The following PPHLN1 variants were observed in gnomAD, a reference collection of about 807,000 sequenced individuals.
PPHLN1 encodes periphilin 1, also known as periphilin-1.
PPHLN1 carries 29 observed loss-of-function variants against 51.3 expected under a neutral mutation model. That is an observed-to-expected ratio of 0.57 (90% CI 0.42 to 0.77). The LOEUF is 0.77. Ranked by LOEUF, PPHLN1 falls within the 30% of genes least tolerant of loss-of-function variation. PPHLN1 has a pLI of 0.00. For missense variants in PPHLN1, 436 were observed against 438.4 expected (o/e 0.99, Z 0.05); for synonymous variants, 147 against 147.8 (o/e 0.99, Z 0.04).
In PPHLN1 at chr12:42,416,045, A is replaced by G. The variant is rs573650555; in HGVS notation, c.909+17051A>G. 4.6e-5 allele frequency among the ~76,000 whole-genome samples: 7 copies of G among 152,324 alleles called. No homozygotes were observed. The East Asian group carries it at 1.4e-3, about 29-fold the overall frequency. On this transcript the variant is annotated intron_variant, in intron 9 of 9. Coordinates refer to ENST00000358314, the MANE Select transcript of PPHLN1 (RefSeq NM_201439.2). ...CTCATAGGTAGAGATAGGAGGTAAA[A>G]GGTTCTACATAAAGGTGAATGACGT...
chr12:42,336,881 T>C (rs1290161691), intron 2 of PPHLN1, among the ~76,000 whole-genome samples: 2 of 152,248 alleles, frequency 1.3e-5, no homozygotes, highest in African/African-American at 4.8e-5. Context: ...TCTACGTTAG[T>C]TATTTTTTAC....
chr12:42,386,747 A>ACT (rs751114984), intron 6 of PPHLN1, among the ~76,000 whole-genome samples: 6 of 152,174 alleles, frequency 3.9e-5, no homozygotes, highest in African/African-American at 7.2e-5. Context: ...ATTTAACTAA[A>ACT]CCTATCTTTT....
intron 5 of PPHLN1, among the ~76,000 whole-genome samples, chr12:42,383,504 T>C (rs114935550): frequency 2.4e-4 from 36 of 152,226 alleles, no homozygotes; most frequent in African/African-American, 8.4e-4. Flanking sequence ...AAAATAAGAA[T>C]AGGAAAGTAA....
rs190171562 is a variant in PPHLN1, at chr12:42,432,422, A to G, written c.910-8893A>G. ...ATTTCCAATGGTTTCTTTAGTGCCA[A>G]CAAATACAAATGGAATCATACTGTC... On this transcript the variant is annotated intron_variant, in intron 9 of 9. Coordinates refer to ENST00000358314, the MANE Select transcript of PPHLN1 (RefSeq NM_201439.2). 1,534 of 756,958 alleles carry G rather than the reference A, an allele frequency of 2.0e-3. 6 individuals are homozygous for G. Among genetic ancestry groups the G allele is most frequent in the Non-Finnish European group, 2.8e-3 (1,119 of 404,656 alleles). 46.9% of individuals were successfully genotyped at this position (756,958 alleles called of 1,614,324 possible).
intron 3 of PPHLN1, 23 bp from the exon 4 acceptor site, chr12:42,355,138 T>G: frequency 6.2e-7 from 1 of 1,610,908 alleles, no homozygotes; most frequent in Non-Finnish European, 8.5e-7. Context: ...AACAAATAGC[T>G]AAGTAGCTTT....
At chr12:42,348,576 T>C (rs2072730970) in intron 2 of PPHLN1, among the ~76,000 whole-genome samples, 1 of 152,172 alleles carries the variant, frequency 6.6e-6, no homozygotes, top group Admixed American at 6.5e-5. Context: ...ACTGGGGCAG[T>C]TGAACAAAGG....
Position 42,384,950 on chromosome 12 carries a change from T to C in PPHLN1, c.522T>C (p.Arg174=). The part of the protein sequence containing the change: ...FHQSQHRKSV[R]PGASYKRQNE... ...CCCACCTTTCCATAGAGTCCGTGCG[T>C]CCTGGTGCCTCCTACAAACGGCAGA... Residue 174 remains arginine (R), a synonymous_variant, in exon 6 of 10, where the codon CGT becomes CGC. Transcript: ENST00000358314. The C allele has an allele frequency of 6.2e-7, 1 of 1,610,912 alleles. No homozygotes were observed. The highest frequency in any genetic ancestry group is 8.5e-7 in the Non-Finnish European group (1 of 1,177,030).
At chr12:42,389,153 A>G (rs1213170368) in intron 7 of PPHLN1, among the ~76,000 whole-genome samples, 1 of 151,760 alleles carries the variant, frequency 6.6e-6, no homozygotes, top group Non-Finnish European at 1.5e-5. Context: ...CAGGCGGATC[A>G]TGAGGTCAAG....
chr12:42,396,304 T>A (rs1565929330), intron 8 of PPHLN1, among the ~76,000 whole-genome samples: 3 of 151,896 alleles, frequency 2.0e-5, no homozygotes, highest in African/African-American at 7.3e-5. Context: ...AAGGCACACT[T>A]AAAAAATACT....
intron 9 of PPHLN1, among the ~76,000 whole-genome samples, chr12:42,415,461 G>A (rs543564565): frequency 6.6e-5 from 10 of 152,238 alleles, no homozygotes; most frequent in African/African-American, 1.7e-4. Flanking sequence ...GTGAGCCACC[G>A]CCCCTAGCCA....
chr12:42,445,868 A>G (rs1041552036), downstream of PPHLN1: 93 of 1,372,140 alleles, frequency 6.8e-5, no homozygotes, highest in Non-Finnish European at 8.2e-5. Flanking sequence ...CTCTCCAGAC[A>G]TAAAACTGCA....
intron 9 of PPHLN1, among the ~76,000 whole-genome samples, chr12:42,424,990 G>A (rs1284738186): frequency 6.6e-6 from 1 of 151,790 alleles, no homozygotes; most frequent in African/African-American, 2.4e-5. Context: ...ACTAAAATCA[G>A]CTTTCCAATA....
At chr12:42,390,257 G>A (rs2077573695) in intron 7 of PPHLN1, among the ~76,000 whole-genome samples, 1 of 152,048 alleles carries the variant, frequency 6.6e-6, no homozygotes, top group Non-Finnish European at 1.5e-5. Flanking sequence ...GAAGTCTGAG[G>A]GTTCTGGGAT....
rs60616542 is a variant in PPHLN1 at position 42,441,526 on chromosome 12, T to TA, written c.*32dup. On this transcript the variant is annotated 3_prime_UTR_variant, in exon 10 of 10. Coordinates refer to ENST00000358314, the MANE Select transcript of PPHLN1 (RefSeq NM_201439.2). ...CCTTTTTAGATTTTTCTGCTCAGGC[T>TA]AAAAAAAAAAAAAAACAGTTTCTAA... The TA allele has an allele frequency of 0.069, 83,904 of 1,219,566 alleles. No homozygotes were observed. The highest frequency in any genetic ancestry group is 0.074 in the Non-Finnish European group (67,973 of 917,686). The allele number at this position is 1,219,566 out of a possible 1,614,324, so 75.5% of individuals were successfully genotyped here. A position where few individuals can be genotyped will look rare whatever the true frequency, so the allele number is the denominator to read the frequency against.
chr12:42,428,995 T>C (rs2081782277), intron 9 of PPHLN1, among the ~76,000 whole-genome samples: 1 of 152,122 alleles, frequency 6.6e-6, no homozygotes, highest in Admixed American at 6.6e-5. Context: ...ATTTTTATTA[T>C]TCTCAGACAC....
At chr12:42,378,659 T>A (rs1456848514) in intron 5 of PPHLN1, among the ~76,000 whole-genome samples, 1 of 152,184 alleles carries the variant, frequency 6.6e-6, no homozygotes, top group Non-Finnish European at 1.5e-5. Flanking sequence ...TAATGATCAT[T>A]ATTGGTTTGT....
intron 2 of PPHLN1, among the ~76,000 whole-genome samples, chr12:42,344,687 T>C (rs775788974): frequency 6.6e-6 from 1 of 151,596 alleles, no homozygotes; most frequent in Non-Finnish European, 1.5e-5. Flanking sequence ...TAGTTACTTA[T>C]GAGATTTAAC....
At chr12:42,334,290 T>TC (rs954865593) in intron 1 of PPHLN1, among the ~76,000 whole-genome samples, 1 of 152,212 alleles carries the variant, frequency 6.6e-6, no homozygotes, top group African/African-American at 2.4e-5. Context: ...CTAATTTTTT[T>TC]CTCTTGAATG....
chr12:42,338,310 G>A (rs1592202958), intron 2 of PPHLN1, among the ~76,000 whole-genome samples: 1 of 152,202 alleles, frequency 6.6e-6, no homozygotes, highest in South Asian at 2.1e-4. Flanking sequence ...GCACCAGTCT[G>A]TAGGATTGTG....
Sources: allele counts gnomAD v4.1 joint callset (sites outside exome capture counted in the v4.1 genomes callset), GRCh38; gene constraint gnomAD v4.1.1; transcripts MANE v1.5; gene names NCBI Gene and HGNC (gene_info 2026-07-23, HGNC 2026-07-21).